The following TANGO6 variants were observed in gnomAD, a reference collection of about 807,000 sequenced individuals.
TANGO6 encodes transport and Golgi organization protein 6 homolog.
A neutral mutation model predicts 114.2 loss-of-function variants in TANGO6; 90 were observed. The observed-to-expected ratio is 0.79, with a 90% CI of 0.66 to 0.94. TANGO6 has a LOEUF of 0.94. Ranked by LOEUF, TANGO6 falls within the 40% of genes least tolerant of loss-of-function variation. TANGO6 has a pLI of 0.00. For missense variants in TANGO6, 1,274 were observed against 1,315.3 expected (o/e 0.97, Z 0.49); for synonymous variants, 477 against 509.8 (o/e 0.94, Z 0.87).
chr16:69,000,839 A>G (rs762240501), intron 15 of TANGO6, among the ~76,000 whole-genome samples: 34 of 152,048 alleles, frequency 2.2e-4, no homozygotes, highest in Non-Finnish European at 4.0e-4. Context: ...TGATCTGCCC[A>G]CCTTGGCCTC....
At chr16:68,974,732 G>C (rs1278435586) in intron 15 of TANGO6, among the ~76,000 whole-genome samples, 5 of 152,008 alleles carry the variant, frequency 3.3e-5, no homozygotes, top group African/African-American at 1.2e-4. Context: ...GATTTTCAAT[G>C]GAGCTGGAAT....
At chr16:69,071,974 G>C (rs1253345254) in intron 17 of TANGO6, among the ~76,000 whole-genome samples, 1 of 151,888 alleles carries the variant, frequency 6.6e-6, no homozygotes. Flanking sequence ...AGCTTTGTGT[G>C]TTTCAGGCCA....
At chr16:68,977,185 GC>G (rs1363362082) in intron 15 of TANGO6, among the ~76,000 whole-genome samples, 1 of 152,090 alleles carries the variant, frequency 6.6e-6, no homozygotes, top group Non-Finnish European at 1.5e-5. Context: ...TATGGACATA[GC>G]CCTTAATTTT....
chr16:68,979,575 A>G (rs1164996146), intron 15 of TANGO6, among the ~76,000 whole-genome samples: 1 of 152,096 alleles, frequency 6.6e-6, no homozygotes, highest in Non-Finnish European at 1.5e-5. Flanking sequence ...TCTTCCAGAG[A>G]AGTTGTGCCA....
chr16:68,985,065 G>A (rs116109593), intron 15 of TANGO6, among the ~76,000 whole-genome samples: 149 of 150,504 alleles, frequency 9.9e-4, no homozygotes, highest in African/African-American at 3.3e-3. Flanking sequence ...TAGAAATGGT[G>A]TGTCACTATG....
rs953543133 is a variant in TANGO6, at chr16:69,084,827, C to T, written c.*1166C>T. On this transcript the variant is annotated 3_prime_UTR_variant, in exon 18 of 18. Transcript: ENST00000261778. ...AACCAAAACGCAGTTTCCAAAAGCT[C>T]GAGTGACTGAAGGATCTATACACAA... is the stretch of plus-strand genomic sequence containing the variant. 6.6e-6 allele frequency: 1 copy of T among 152,306 alleles called. No individual in the cohort carries two copies. The highest frequency in any genetic ancestry group is 2.4e-5 in the African/African-American group (1 of 41,438). 9.4% of individuals were successfully genotyped at this position (152,306 alleles called of 1,614,324 possible). A position where few individuals can be genotyped will look rare whatever the true frequency, so the allele number is the denominator to read the frequency against.
chr16:69,035,882 C>G (rs1396149204), intron 16 of TANGO6: 2 of 152,080 alleles, frequency 1.3e-5, no homozygotes, highest in Non-Finnish European at 2.9e-5. Flanking sequence ...AAAACCCTAT[C>G]TCTACTAAAA....
At chr16:68,982,173 G>A (rs911895093) in intron 15 of TANGO6, among the ~76,000 whole-genome samples, 2 of 152,118 alleles carry the variant, frequency 1.3e-5, no homozygotes, top group African/African-American at 4.8e-5. Context: ...GGGCCATTCT[G>A]TTTCTCTCAA....
intron 15 of TANGO6, chr16:69,007,014 T>C (rs942495980): frequency 2.6e-5 from 4 of 152,212 alleles, no homozygotes; most frequent in Non-Finnish European, 5.9e-5. Context: ...CCATGTGGGC[T>C]TCTTTCACTT....
At chr16:69,002,501 G>C (rs148515596) in intron 15 of TANGO6, among the ~76,000 whole-genome samples, 9 of 152,188 alleles carry the variant, frequency 5.9e-5, no homozygotes, top group Non-Finnish European at 5.9e-5. Context: ...CTTAAGATCT[G>C]ATGGTTTTAT....
intron 17 of TANGO6, among the ~76,000 whole-genome samples, chr16:69,047,884 T>C (rs9926342): frequency 0.11 from 16,984 of 152,206 alleles, 1,035 homozygotes; most frequent in South Asian, 0.18. Flanking sequence ...AAGATAATTC[T>C]CAGAGCAGTT....
At chr16:68,978,828 A>C (rs922557001) in intron 15 of TANGO6, among the ~76,000 whole-genome samples, 1 of 151,928 alleles carries the variant, frequency 6.6e-6, no homozygotes, top group Non-Finnish European at 1.5e-5. Flanking sequence ...TCTTCCTGCC[A>C]CTAGATCATA....
intron 15 of TANGO6, among the ~76,000 whole-genome samples, chr16:68,991,913 AT>A (rs1963949253): frequency 6.6e-6 from 1 of 152,100 alleles, no homozygotes; most frequent in African/African-American, 2.4e-5. Context: ...AGAGATGAGG[AT>A]TTTGGTTAGA....
chr16:69,083,764 A>G lies in TANGO6; in HGVS notation c.*103A>G, dbSNP rs904167483. On this transcript the variant is annotated 3_prime_UTR_variant, in exon 18 of 18. Transcript: ENST00000261778. ...CTGCTGCCTCTTGAGTGCTGGCAGC[A>G]TGGCTGACCCTCGGGGTGGTTTTAT... 1 of 1,330,272 alleles carries G rather than the reference A, an allele frequency of 7.5e-7. No individual in the cohort carries two copies. The highest frequency in any genetic ancestry group is 2.5e-5 in the East Asian group (1 of 39,804). 82.4% of individuals were successfully genotyped at this position (1,330,272 alleles called of 1,614,324 possible). A position where few individuals can be genotyped will look rare whatever the true frequency, so the allele number is the denominator to read the frequency against.
Position 69,022,927 on chromosome 16 carries a change from T to G in TANGO6, c.2942T>G (p.Leu981Arg). ...GAHRASSLANLGELCQRLDFL... is the reference protein window; with the variant it reads ...GAHRASSLANRGELCQRLDFL... ...CACAGGGCCAGCAGCTTGGCCAACC[T>G]TGGGGAGCTGTGCCAGAGGCTGGAC... Residue 981 changes from leucine (L) to arginine (R), a missense_variant, in exon 16 of 18, where the codon CTT becomes CGT. Around this residue, in one of 5 missense-constraint regions of TANGO6, gnomAD observed 238 missense variants for 252.9 expected, o/e 0.94. Coordinates refer to ENST00000261778, the MANE Select transcript of TANGO6 (RefSeq NM_024562.2). 1 of 1,605,264 alleles carries G rather than the reference T, an allele frequency of 6.2e-7. No individual in the cohort carries two copies. The highest frequency in any genetic ancestry group is 8.5e-7 in the Non-Finnish European group (1 of 1,176,102).
intron 17 of TANGO6, among the ~76,000 whole-genome samples, chr16:69,046,695 A>G (rs1280566858): frequency 6.6e-6 from 1 of 152,148 alleles, no homozygotes; most frequent in Non-Finnish European, 1.5e-5. Context: ...AAGATGGGAA[A>G]TCTCAGAAAA....
chr16:69,083,940 G>T lies in TANGO6; in HGVS notation c.*279G>T. The T allele has an allele frequency of 3.8e-6, 1 of 264,084 alleles. No homozygotes were observed. Among genetic ancestry groups the T allele is most frequent in the Non-Finnish European group, 7.1e-6 (1 of 140,000 alleles). The allele number at this position is 264,084 out of a possible 1,614,324, so 16.4% of individuals were successfully genotyped here. On this transcript the variant is annotated 3_prime_UTR_variant, in exon 18 of 18. Transcript: ENST00000261778. The stretch of plus-strand genomic sequence containing the variant: ...TGTCCTCTAGCATTGAAAGAAGGAT[G>T]TCTACCTGGTGAAAGTATATTTTAA...
chr16:68,861,997 T>C (rs1236599849), intron 2 of TANGO6, among the ~76,000 whole-genome samples: 1 of 152,120 alleles, frequency 6.6e-6, no homozygotes. Flanking sequence ...ATATAGCTTA[T>C]AGATGGAGAC....
chr16:68,844,565 A>G (rs886288591), intron 1 of TANGO6, among the ~76,000 whole-genome samples: 3 of 152,162 alleles, frequency 2.0e-5, no homozygotes, highest in African/African-American at 7.2e-5. Context: ...GAAAGGCCAA[A>G]GGGGATCACC....
Sources: allele counts gnomAD v4.1 joint callset (sites outside exome capture counted in the v4.1 genomes callset), GRCh38; gene constraint gnomAD v4.1.1; regional missense constraint gnomAD v4.1.1; transcripts MANE v1.5; gene names NCBI Gene and HGNC (gene_info 2026-07-23, HGNC 2026-07-21).